CNGB3: variants seen among roughly 807,000 people sequenced by gnomAD.
CNGB3 encodes cyclic nucleotide gated channel subunit beta 3, also known as cyclic nucleotide-gated channel beta-3.
A neutral mutation model predicts 92.8 loss-of-function variants in CNGB3; 86 were observed. The observed-to-expected ratio is 0.93, with a 90% CI of 0.78 to 1.11. CNGB3 has a LOEUF of 1.11. CNGB3 is among the 50% of genes least tolerant of loss of function. The probability of loss-of-function intolerance (pLI) is 0.00; values close to 1 mark genes in which losing one functional copy is unlikely to be tolerated. For missense variants in CNGB3, 1,026 were observed against 956.8 expected (o/e 1.07, Z -0.95); for synonymous variants, 333 against 332.7 (o/e 1.00, Z -0.01).
intron 2 of CNGB3, among the ~76,000 whole-genome samples, chr8:86,737,990 C>T (rs1825274547): frequency 6.6e-6 from 1 of 152,020 alleles, no homozygotes; most frequent in Non-Finnish European, 1.5e-5. Flanking sequence ...TATTTTTGTT[C>T]CTTGAAGATG....
At chr8:86,643,991 T>C in intron 9 of CNGB3, 118 bp from the exon 10 acceptor site, 1 of 982,242 alleles carries the variant, frequency 1.0e-6, no homozygotes, top group South Asian at 1.4e-5. Context: ...TTGTGAACTG[T>C]TAACTCTCAT....
intron 3 of CNGB3, among the ~76,000 whole-genome samples, chr8:86,699,792 A>G (rs970831709): frequency 2.6e-5 from 4 of 152,214 alleles, no homozygotes; most frequent in Admixed American, 6.5e-5. Context: ...AAAAATGCTC[A>G]TAATTTCCAA....
chr8:86,725,424 T>C (rs934988587), intron 3 of CNGB3, among the ~76,000 whole-genome samples: 1 of 152,102 alleles, frequency 6.6e-6, no homozygotes, highest in Non-Finnish European at 1.5e-5. Flanking sequence ...AAAATATAAA[T>C]AATTAGTTGT....
intron 6 of CNGB3, among the ~76,000 whole-genome samples, chr8:86,665,260 A>T (rs1223157972): frequency 1.3e-5 from 2 of 152,192 alleles, no homozygotes; most frequent in Non-Finnish European, 2.9e-5. Flanking sequence ...AAAAAGTCAA[A>T]AAACAGCTGA....
At chr8:86,724,952 G>T (rs1439419656) in intron 3 of CNGB3, among the ~76,000 whole-genome samples, 6 of 152,118 alleles carry the variant, frequency 3.9e-5, no homozygotes, top group Non-Finnish European at 7.4e-5. Context: ...ACCAGGCAGG[G>T]CCTGAGAGGT....
chr8:86,612,328 T>TA (rs910137272), intron 13 of CNGB3, among the ~76,000 whole-genome samples: 4 of 152,078 alleles, frequency 2.6e-5, no homozygotes, highest in African/African-American at 4.8e-5. Context: ...CTATATGAGC[T>TA]AAAAAAAATC....
At chr8:86,684,636 A>G (rs1824147588) in intron 3 of CNGB3, among the ~76,000 whole-genome samples, 1 of 148,122 alleles carries the variant, frequency 6.8e-6, no homozygotes, top group African/African-American at 2.5e-5. Context: ...TGGTAAGTTC[A>G]TGTCATGGAA....
At chr8:86,733,355 C>G (rs1011109426) in intron 2 of CNGB3, among the ~76,000 whole-genome samples, 3 of 152,108 alleles carry the variant, frequency 2.0e-5, no homozygotes, top group Admixed American at 2.0e-4. Context: ...GATGGGCACT[C>G]AGGTTGATTT....
intron 16 of CNGB3, 90 bp from the exon 17 acceptor site, chr8:86,578,953 G>T: frequency 1.3e-6 from 2 of 1,566,960 alleles, no homozygotes; most frequent in Admixed American, 1.7e-5. Context: ...CCTAACCTGT[G>T]TAGTTTCAAT....
chr8:86,720,839 T>TATAC (rs1554618004), intron 3 of CNGB3, among the ~76,000 whole-genome samples: 3 of 129,888 alleles, frequency 2.3e-5, no homozygotes, highest in Non-Finnish European at 4.8e-5. Context: ...TATATATGTA[T>TATAC]ACACACACAC....
At chr8:86,697,830 C>T (rs1824477960) in intron 3 of CNGB3, among the ~76,000 whole-genome samples, 1 of 151,588 alleles carries the variant, frequency 6.6e-6, no homozygotes, top group Non-Finnish European at 1.5e-5. Context: ...TGTGATGTTC[C>T]CCACCCTGTG....
At chr8:86,695,206 A>G (rs1336848406) in intron 3 of CNGB3, among the ~76,000 whole-genome samples, 1 of 152,214 alleles carries the variant, frequency 6.6e-6, no homozygotes, top group South Asian at 2.1e-4. Flanking sequence ...ACTCGGCAGG[A>G]GAATCAGGCA....
chr8:86,709,348 C>T (rs1824708872), intron 3 of CNGB3, among the ~76,000 whole-genome samples: 1 of 152,190 alleles, frequency 6.6e-6, no homozygotes, highest in African/African-American at 2.4e-5. Context: ...ACGTTTTCCT[C>T]TAGCATAGAG....
At chr8:86,617,999 G>A (rs1363853407) in intron 13 of CNGB3, among the ~76,000 whole-genome samples, 1 of 152,108 alleles carries the variant, frequency 6.6e-6, no homozygotes, top group Non-Finnish European at 1.5e-5. Flanking sequence ...TTGTTTACCT[G>A]CAACTAGACA....
intron 10 of CNGB3, 126 bp downstream of exon 10, chr8:86,643,625 A>G (rs1823234158): frequency 9.8e-7 from 1 of 1,022,778 alleles, no homozygotes. Context: ...TTTTATGGCC[A>G]AATAGCATTT....
chr8:86,622,734 A>G (rs1387963693), intron 13 of CNGB3, among the ~76,000 whole-genome samples: 1 of 152,100 alleles, frequency 6.6e-6, no homozygotes, highest in Non-Finnish European at 1.5e-5. Context: ...TTCCTTTTGG[A>G]CCTAGGTTTG....
In CNGB3 at chr8:86,626,076, C is replaced by T. The variant is rs2131580445; in HGVS notation, c.1485G>A (p.Glu495=). The change falls in exon 13 of 18, where the codon GAG becomes GAA. Residue 495 remains glutamate, a synonymous_variant. Transcript: ENST00000320005. The part of the protein sequence containing the change: ...YTWDSQRMLD[E]SDLLKTLPTT... Reference sequence around the variant, plus strand: ...TTGGTAGGGTCTTAAGCAAATCAGACTCATCTTTATAAAGATAAACACATC... The same window carrying T: ...TTGGTAGGGTCTTAAGCAAATCAGATTCATCTTTATAAAGATAAACACATC... The T allele has an allele frequency of 6.2e-7, 1 of 1,610,548 alleles. No individual in the cohort carries two copies. The highest frequency in any genetic ancestry group is 1.1e-5 in the South Asian group (1 of 90,960).
chr8:86,706,443 T>G (rs1367778335), intron 3 of CNGB3, among the ~76,000 whole-genome samples: 1 of 152,222 alleles, frequency 6.6e-6, no homozygotes, highest in Non-Finnish European at 1.5e-5. Context: ...GCATCGCTCA[T>G]TAGTGTGAGA....
chr8:86,619,898 T>G (rs1393155905), intron 13 of CNGB3, among the ~76,000 whole-genome samples: 1 of 151,778 alleles, frequency 6.6e-6, no homozygotes, highest in African/African-American at 2.4e-5. Context: ...AATTTTCTAT[T>G]ATTTGTAAAG....
Sources: gnomAD v4.1 joint callset for allele counts (sites outside exome capture counted in the v4.1 genomes callset) on GRCh38, gnomAD v4.1.1 for gene constraint, MANE v1.5 for transcripts, NCBI Gene and HGNC (gene_info 2026-07-23, HGNC 2026-07-21) for gene names.